Variants in PRICKLE1 observed in about 807,000 individuals in gnomAD.
The protein encoded by PRICKLE1 is prickle-like protein 1.
Under a neutral mutation model 70.2 loss-of-function variants are expected in PRICKLE1, and 14 were observed. That is an observed-to-expected ratio of 0.20 (90% CI 0.13 to 0.31). PRICKLE1 has a LOEUF of 0.31. PRICKLE1 is among the 10% of genes least tolerant of loss of function. PRICKLE1 has a pLI of 1.00. For synonymous variants in PRICKLE1, 357 were observed against 379.9 expected (o/e 0.94, Z 0.70); for missense variants, 821 against 1,026.2 (o/e 0.80, Z 2.73).
chr12:42,541,394 G>A (rs1036861710), intron 1 of PRICKLE1, among the ~76,000 whole-genome samples: 4 of 151,330 alleles, frequency 2.6e-5, no homozygotes, highest in African/African-American at 4.9e-5. Flanking sequence ...AGGCTGGAGT[G>A]CAGTGGTGCC....
At chr12:42,563,051 C>T (rs113867071) in intron 1 of PRICKLE1, among the ~76,000 whole-genome samples, 7,193 of 151,738 alleles carry the variant, frequency 0.047, 214 homozygotes, top group East Asian at 0.11. Context: ...GGTGTGGTGG[C>T]GGGTGCCTGT....
chr12:42,475,519 G>T (rs1432466615), intron 1 of PRICKLE1, among the ~76,000 whole-genome samples: 3 of 152,178 alleles, frequency 2.0e-5, no homozygotes, highest in African/African-American at 7.2e-5. Context: ...CAGGGGGGGA[G>T]TGCTGATGGA....
At chr12:42,523,889 A>T (rs1939754967) in intron 1 of PRICKLE1, among the ~76,000 whole-genome samples, 1 of 152,232 alleles carries the variant, frequency 6.6e-6, no homozygotes, top group Non-Finnish European at 1.5e-5. Context: ...GTGTTTTGTA[A>T]ATAACATTTA....
intron 1 of PRICKLE1, among the ~76,000 whole-genome samples, chr12:42,475,926 C>A (rs1465420586): frequency 6.6e-6 from 1 of 151,248 alleles, no homozygotes; most frequent in African/African-American, 2.4e-5. Flanking sequence ...CTAGTGAAAC[C>A]CCAAATCTAC....
chr12:42,501,749 C>A (rs1939315814), intron 1 of PRICKLE1, among the ~76,000 whole-genome samples: 1 of 151,948 alleles, frequency 6.6e-6, no homozygotes, highest in African/African-American at 2.4e-5. Flanking sequence ...TAAGAGATTT[C>A]TTAGGGAGAA....
chr12:42,469,669 A>G, intron 3 of PRICKLE1, 82 bp from the exon 4 acceptor site: 2 of 1,581,158 alleles, frequency 1.3e-6, no homozygotes, highest in Non-Finnish European at 1.7e-6. Context: ...TTAGGGTTTC[A>G]GGAAGTGAAA....
chr12:42,538,634 G>A (rs1592011708), intron 1 of PRICKLE1, among the ~76,000 whole-genome samples: 1 of 152,156 alleles, frequency 6.6e-6, no homozygotes, highest in East Asian at 1.9e-4. Context: ...TTCTACTAGA[G>A]TTAATACCAT....
intron 1 of PRICKLE1, among the ~76,000 whole-genome samples, chr12:42,494,860 T>A: frequency 6.6e-6 from 1 of 150,756 alleles, no homozygotes. Context: ...ATTATGAGAT[T>A]GCAGCAATTC....
chr12:42,467,769 A>AAAACG (rs1293983405), intron 5 of PRICKLE1, among the ~76,000 whole-genome samples: 3 of 152,214 alleles, frequency 2.0e-5, no homozygotes, highest in Non-Finnish European at 4.4e-5. Context: ...AAAACAAAAC[A>AAAACG]AAAACAAAAA....
chr12:42,499,176 C>A (rs1027694040), intron 1 of PRICKLE1, among the ~76,000 whole-genome samples: 5 of 152,040 alleles, frequency 3.3e-5, no homozygotes, highest in African/African-American at 4.8e-5. Context: ...AAAAAAAAAT[C>A]CTTATAACAA....
chr12:42,575,461 G>A lies in PRICKLE1; in HGVS notation c.-49+14004C>T, dbSNP rs555790746. Among the ~76,000 whole-genome samples, 13 of 152,254 alleles carry A rather than the reference G, an allele frequency of 8.5e-5. No individual in the cohort carries two copies. The East Asian group carries it at 1.9e-3, about 23-fold the overall frequency. ...TGTAATCCCAGCACTTTGGGAGGCC[G>A]AGGCAGGCAGATCACCTGAGGTCAG... On this transcript the variant is annotated intron_variant, in intron 1 of 7. Coordinates refer to ENST00000345127, the MANE Select transcript of PRICKLE1 (RefSeq NM_153026.3).
At chr12:42,502,529 T>G (rs1017108051) in intron 1 of PRICKLE1, among the ~76,000 whole-genome samples, 2 of 152,050 alleles carry the variant, frequency 1.3e-5, no homozygotes, top group Non-Finnish European at 2.9e-5. Context: ...CAGGCTGATC[T>G]TGAACTTGTA....
chr12:42,470,562 G>T lies in PRICKLE1; in HGVS notation c.133-203C>A, dbSNP rs74640594. ...AAATTGCTCTTCAGGAATGTAATTT[G>T]TAGTGACAATTAGGGACATCATAAA... is the stretch of plus-strand genomic sequence containing the variant. On this transcript the variant is annotated intron_variant, in intron 2 of 7. Transcript: ENST00000345127. Among the ~76,000 whole-genome samples, 387 of 152,272 alleles carry T rather than the reference G, an allele frequency of 2.5e-3. 18 individuals carry two copies. In the East Asian group the frequency reaches 0.068, roughly 27 times the overall value.
intron 1 of PRICKLE1, among the ~76,000 whole-genome samples, chr12:42,490,725 T>G (rs1939084640): frequency 6.6e-6 from 1 of 152,136 alleles, no homozygotes; most frequent in Admixed American, 6.5e-5. Flanking sequence ...CATTCCTAAA[T>G]GAGTCAGTAT....
At chr12:42,514,146 G>C (rs1304078505) in intron 1 of PRICKLE1, among the ~76,000 whole-genome samples, 1 of 152,072 alleles carries the variant, frequency 6.6e-6, no homozygotes, top group Admixed American at 6.6e-5. Context: ...ATCCTTTGAG[G>C]CATCATCATT....
intron 1 of PRICKLE1, among the ~76,000 whole-genome samples, chr12:42,504,115 G>T (rs1939363459): frequency 6.6e-6 from 1 of 152,110 alleles, no homozygotes; most frequent in African/African-American, 2.4e-5. Flanking sequence ...GAGATATGAA[G>T]AAGAGCGAGG....
intron 1 of PRICKLE1, among the ~76,000 whole-genome samples, chr12:42,549,507 C>T (rs1940272763): frequency 6.6e-6 from 1 of 152,064 alleles, no homozygotes; most frequent in Non-Finnish European, 1.5e-5. Flanking sequence ...TGGAACCCAC[C>T]CCTACCTCTC....
intron 1 of PRICKLE1, among the ~76,000 whole-genome samples, chr12:42,481,992 T>C (rs1483525498): frequency 6.6e-6 from 1 of 152,252 alleles, no homozygotes; most frequent in Non-Finnish European, 1.5e-5. Context: ...TTATGAAACA[T>C]TCCTTTACTA....
At chr12:42,498,617 T>C (rs1939252325) in intron 1 of PRICKLE1, among the ~76,000 whole-genome samples, 1 of 152,210 alleles carries the variant, frequency 6.6e-6, no homozygotes, top group Non-Finnish European at 1.5e-5. Flanking sequence ...ACCTTGTCTC[T>C]ATTTAAATTA....
Sources: gnomAD v4.1 joint callset for allele counts (sites outside exome capture counted in the v4.1 genomes callset) on GRCh38, gnomAD v4.1.1 for gene constraint, MANE v1.5 for transcripts, NCBI Gene and HGNC (gene_info 2026-07-23, HGNC 2026-07-21) for gene names.